The following CWC27 variants were observed in gnomAD, a reference collection of about 807,000 sequenced individuals.
CWC27 encodes CWC27 spliceosome associated cyclophilin.
CWC27 carries 47 observed loss-of-function variants against 63.6 expected under a neutral mutation model. The ratio of observed to expected loss-of-function variants is 0.74; its 90% CI spans 0.58 to 0.94. The LOEUF (loss-of-function observed/expected upper bound fraction) is 0.94, where lower values mean the gene tolerates loss of function less well. Ranked by LOEUF, CWC27 falls within the 40% of genes least tolerant of loss-of-function variation. The pLI, the probability that CWC27 is intolerant of heterozygous loss-of-function variation, is 0.00. For missense variants in CWC27, 495 were observed against 554.3 expected, an observed-to-expected ratio of 0.89 and a Z score of 1.07; for synonymous variants, 175 against 179.8, an observed-to-expected ratio of 0.97 and a Z score of 0.22.
intron 10 of CWC27, among the ~76,000 whole-genome samples, chr5:64,852,320 G>T (rs1746151498): frequency 6.6e-6 from 1 of 152,116 alleles, no homozygotes; most frequent in South Asian, 2.1e-4. Context: ...AAATGAAAAT[G>T]AAATAAATGG....
intron 10 of CWC27, chr5:64,808,014 T>C: frequency 7.3e-7 from 1 of 1,378,524 alleles, no homozygotes; most frequent in Non-Finnish European, 9.3e-7. Context: ...CATTTTTTTT[T>C]CTTGGTCTTC....
intron 11 of CWC27, among the ~76,000 whole-genome samples, chr5:64,890,459 T>C (rs1747203556): frequency 6.6e-6 from 1 of 152,200 alleles, no homozygotes; most frequent in Non-Finnish European, 1.5e-5. Flanking sequence ...GTTAGCTCTG[T>C]GTTCTACTTA....
chr5:64,919,314 T>C (rs541419037), intron 11 of CWC27, among the ~76,000 whole-genome samples: 1 of 152,356 alleles, frequency 6.6e-6, no homozygotes, highest in Non-Finnish European at 1.5e-5. Flanking sequence ...ACATAGTGTT[T>C]ACTTCTTAAC....
intron 10 of CWC27, among the ~76,000 whole-genome samples, chr5:64,842,947 C>T (rs1745883783): frequency 6.6e-6 from 1 of 152,098 alleles, no homozygotes; most frequent in Admixed American, 6.6e-5. Context: ...GCCAATAAAC[C>T]CTAAATCTCA....
chr5:64,851,799 C>G (rs1746139303), intron 10 of CWC27, among the ~76,000 whole-genome samples: 3 of 152,102 alleles, frequency 2.0e-5, no homozygotes, highest in Non-Finnish European at 4.4e-5. Context: ...CATTTTAATT[C>G]AAGATGTATT....
intron 10 of CWC27, among the ~76,000 whole-genome samples, chr5:64,820,485 G>A (rs1318309969): frequency 1.3e-5 from 2 of 152,114 alleles, no homozygotes; most frequent in East Asian, 1.9e-4. Context: ...AACTAGAAGA[G>A]CCACTTAAGT....
chr5:64,854,529 G>A (rs564866840), intron 10 of CWC27, among the ~76,000 whole-genome samples: 10 of 152,318 alleles, frequency 6.6e-5, no homozygotes, highest in Admixed American at 4.6e-4. Flanking sequence ...TCAGTGCCCT[G>A]TGCAAAAAAC....
At chr5:64,795,540 C>T (rs977807027) in intron 7 of CWC27, among the ~76,000 whole-genome samples, 1 of 152,044 alleles carries the variant, frequency 6.6e-6, no homozygotes, top group Non-Finnish European at 1.5e-5. Flanking sequence ...CCTTTTTCAA[C>T]CTCTAGAGAC....
At chr5:64,834,503 C>CT (rs1745607902) in intron 10 of CWC27, among the ~76,000 whole-genome samples, 1 of 151,604 alleles carries the variant, frequency 6.6e-6, no homozygotes, top group Non-Finnish European at 1.5e-5. Context: ...TATGAAACAC[C>CT]TTTCACTCTA....
intron 11 of CWC27, among the ~76,000 whole-genome samples, chr5:64,957,488 G>C (rs998179577): frequency 6.6e-6 from 1 of 152,132 alleles, no homozygotes. Flanking sequence ...AGAGGTTTGC[G>C]TGAGGGAGAA....
intron 11 of CWC27, among the ~76,000 whole-genome samples, chr5:64,904,972 A>G (rs113434993): frequency 0.095 from 14,387 of 152,058 alleles, 2,082 homozygotes; most frequent in African/African-American, 0.31. Flanking sequence ...AGGCCAAGGC[A>G]GGTGGATCAC....
intron 13 of CWC27, among the ~76,000 whole-genome samples, chr5:65,015,465 CT>C (rs1474606041): frequency 6.6e-6 from 1 of 152,154 alleles, no homozygotes; most frequent in African/African-American, 2.4e-5. Flanking sequence ...CTGGTGTTGG[CT>C]TAGACATCAA....
intron 2 of CWC27, among the ~76,000 whole-genome samples, chr5:64,778,279 C>T (rs1743530502): frequency 2.0e-5 from 3 of 152,118 alleles, no homozygotes; most frequent in South Asian, 2.1e-4. Flanking sequence ...GGCTCTCTGT[C>T]GCATGCACTT....
intron 13 of CWC27, among the ~76,000 whole-genome samples, chr5:64,989,993 T>C (rs74621376): frequency 5.3e-4 from 81 of 152,186 alleles, no homozygotes; most frequent in African/African-American, 1.9e-3. Context: ...TACTGGTAGT[T>C]CATGGAGTCA....
In CWC27 at chr5:64,942,104, G is replaced by A. The variant is rs539740180; in HGVS notation, c.1043-29599G>A. Reference sequence around the variant, plus strand: ...ATATGAGATTAAAGCATTTTTGAGTGCAGGAAGTGCTTTATTTTATACTAA... The same window carrying A: ...ATATGAGATTAAAGCATTTTTGAGTACAGGAAGTGCTTTATTTTATACTAA... On this transcript the variant is annotated intron_variant, in intron 11 of 13. Coordinates refer to ENST00000381070, the MANE Select transcript of CWC27 (RefSeq NM_005869.4). Among the ~76,000 whole-genome samples, 4 of 151,992 alleles carry A rather than the reference G, an allele frequency of 2.6e-5. No individual in the cohort carries two copies. In the South Asian group the frequency reaches 8.3e-4, roughly 32 times the overall value.
Position 64,781,924 on chromosome 5 carries a change from AT to A in CWC27, c.145del (p.Tyr49MetfsTer14). On this transcript the variant is annotated frameshift_variant, in exon 3 of 14. Coordinates refer to ENST00000381070, the MANE Select transcript of CWC27 (RefSeq NM_005869.4). LOFTEE classifies it high-confidence loss of function. The part of the protein sequence containing the change: ...RNFIQLCLEA[Y>X]YDNTIFHRVV... Reference sequence around the variant, plus strand: ...ATTATTTTTATTTTTTTTTCAGCTTATTATGACAATACCATTTTTCATAGAG... The same window carrying A: ...ATTATTTTTATTTTTTTTTCAGCTTATATGACAATACCATTTTTCATAGAG... 6.5e-7 allele frequency: 1 copy of A among 1,527,092 alleles called. No individual in the cohort carries two copies. The allele number at this position is 1,527,092 out of a possible 1,614,324, so 94.6% of individuals were successfully genotyped here.
chr5:64,873,863 T>C (rs1006415825), intron 10 of CWC27, among the ~76,000 whole-genome samples: 2 of 152,126 alleles, frequency 1.3e-5, no homozygotes, highest in African/African-American at 4.8e-5. Context: ...TTGTATATGG[T>C]TAGAGATAGG....
intron 11 of CWC27, among the ~76,000 whole-genome samples, chr5:64,911,792 CG>C (rs1747790419): frequency 1.3e-5 from 2 of 151,942 alleles, no homozygotes; most frequent in South Asian, 4.1e-4. Context: ...GTAGACAGAC[CG>C]GCTGGGCACG....
At chr5:65,003,385 A>G (rs972285920) in intron 13 of CWC27, among the ~76,000 whole-genome samples, 11 of 151,294 alleles carry the variant, frequency 7.3e-5, no homozygotes, top group African/African-American at 2.4e-4. Flanking sequence ...TATTATTGCC[A>G]TTTCCCTTCC....
Sources: allele counts gnomAD v4.1 joint callset (sites outside exome capture counted in the v4.1 genomes callset), GRCh38; gene constraint gnomAD v4.1.1; transcripts MANE v1.5; gene names NCBI Gene and HGNC (gene_info 2026-07-23, HGNC 2026-07-21).